The following SERAC1 variants were observed in gnomAD, a reference collection of about 807,000 sequenced individuals.
The protein encoded by SERAC1 is protein SERAC1.
SERAC1 carries 36 observed loss-of-function variants against 85.7 expected under a neutral mutation model. That is an observed-to-expected ratio of 0.42 (90% CI 0.32 to 0.55). The LOEUF (loss-of-function observed/expected upper bound fraction) is 0.55. Among genes scored for constraint, SERAC1 ranks in the 20% least tolerant of loss-of-function variants. The pLI, the probability that SERAC1 is intolerant of heterozygous loss-of-function variation, is 0.11. For synonymous variants in SERAC1, 242 were observed against 265.3 expected, an observed-to-expected ratio of 0.91 and a Z score of 0.85; for missense variants, 629 against 796.2, an observed-to-expected ratio of 0.79 and a Z score of 2.53.
chr6:158,114,965 A>G lies in SERAC1; in HGVS notation c.1508T>C (p.Leu503Pro). 1 of 1,610,812 alleles carries G rather than the reference A, an allele frequency of 6.2e-7. No individual in the cohort carries two copies. Among genetic ancestry groups the G allele is most frequent in the Non-Finnish European group, 8.5e-7 (1 of 1,178,638 alleles). ...VWISHSMGGL[L>P]VKKMLLEAST... The stretch of plus-strand genomic sequence containing the variant: ...GGCTTCCAACAGCATCTTTTTGACA[A>G]GAAGACCTAGCCACAGACAAGGGAA... The change falls in exon 15 of 17, where the codon CTT becomes CCT. Residue 503 changes from leucine (L) to proline (P), a missense_variant. Physicochemically the swap from Leu to Pro is moderately conservative, Grantham distance 98. Transcript: ENST00000647468.
At chr6:158,165,535 T>C (rs1245846441) in intron 1 of SERAC1, among the ~76,000 whole-genome samples, 2 of 152,200 alleles carry the variant, frequency 1.3e-5, no homozygotes, top group South Asian at 2.1e-4. Flanking sequence ...CAACAGCTAT[T>C]GGAACATTTC....
intron 2 of SERAC1, among the ~76,000 whole-genome samples, chr6:158,157,301 C>T (rs531488778): frequency 6.6e-6 from 1 of 152,192 alleles, no homozygotes; most frequent in South Asian, 2.1e-4. Context: ...CCAGCCTTAA[C>T]CTATAATTTA....
At position 158,119,257 on chromosome 6, in the gene SERAC1, G is replaced by A; in HGVS notation, c.1167-87C>T. The stretch of plus-strand genomic sequence containing the variant: ...CTACACAGCATTCTCTGTGGATGGT[G>A]CTTTAGCAGGCTTATGTGACATAAA... On this transcript the variant is annotated intron_variant, in intron 11 of 16. Transcript: ENST00000647468. The surrounding 1 kb of genome is among the most constrained non-coding windows in gnomAD (Gnocchi z 4.5). 1.4e-6 allele frequency: 2 copies of A among 1,420,184 alleles called. No homozygotes were observed. The highest frequency in any genetic ancestry group is 1.9e-6 in the Non-Finnish European group (2 of 1,054,412). The allele number at this position is 1,420,184 out of a possible 1,614,324, so 88.0% of individuals were successfully genotyped here. A position where few individuals can be genotyped will look rare whatever the true frequency, so the allele number is the denominator to read the frequency against.
In SERAC1 at chr6:158,119,179, G is replaced by GGA; in HGVS notation, c.1167-11_1167-10dup. The stretch of plus-strand genomic sequence containing the variant: ...CTGCTTTAATGGGCTGACTAATAGG[G>GGA]GAGAGAGTTTTAAAAAGAAGCAGAA... On this transcript the variant is annotated splice_polypyrimidine_tract_variant and intron_variant, in intron 11 of 16. Transcript: ENST00000647468. This position sits in a 1 kb window ranked among gnomAD's most constrained non-coding sequence, Gnocchi z 4.5. 1 of 1,603,106 alleles carries GGA rather than the reference G, an allele frequency of 6.2e-7. No individual in the cohort carries two copies. Among genetic ancestry groups the GGA allele is most frequent in the Non-Finnish European group, 8.5e-7 (1 of 1,173,918 alleles).
chr6:158,162,136 C>T (rs558639401), intron 1 of SERAC1: 2 of 152,328 alleles, frequency 1.3e-5, no homozygotes, highest in South Asian at 2.1e-4. Flanking sequence ...GTCTCTGTGT[C>T]TGTCTTCTTA....
intron 9 of SERAC1, among the ~76,000 whole-genome samples, chr6:158,129,985 C>T (rs1371414556): frequency 1.3e-5 from 2 of 152,122 alleles, no homozygotes; most frequent in South Asian, 2.1e-4. Context: ...CGTGAGCCAC[C>T]GCGCCCAGCC....
chr6:158,118,799 T>TTTTAC (rs1157236825), intron 12 of SERAC1, among the ~76,000 whole-genome samples: 2 of 152,146 alleles, frequency 1.3e-5, no homozygotes, highest in Non-Finnish European at 2.9e-5. Context: ...TGCCCCTATT[T>TTTTAC]TTTACTTAAT....
At position 158,150,435 on chromosome 6, in the gene SERAC1, A is replaced by G. The variant is rs1361065231; in HGVS notation, c.265+18T>C. 6.5e-7 allele frequency: 1 copy of G among 1,536,826 alleles called. No individual in the cohort carries two copies. The highest frequency in any genetic ancestry group is 1.1e-5 in the South Asian group (1 of 87,100). On this transcript the variant is annotated intron_variant, in intron 4 of 16. Coordinates refer to ENST00000647468, the MANE Select transcript of SERAC1 (RefSeq NM_032861.4). ...TAGCTTCCATTTTTCACAGAGGATT[A>G]CTTTACAATAAACTTACCATGATTT...
chr6:158,133,378 ATTTTTT>A (rs767768720), intron 8 of SERAC1, among the ~76,000 whole-genome samples: 3 of 66,376 alleles, frequency 4.5e-5, no homozygotes, highest in Admixed American at 2.4e-4. Flanking sequence ...TCTGGTGTTA[ATTTTTT>A]TTTTTTTTTT....
At chr6:158,138,355 A>G (rs1158301066) in intron 8 of SERAC1, among the ~76,000 whole-genome samples, 1 of 147,870 alleles carries the variant, frequency 6.8e-6, no homozygotes, top group Non-Finnish European at 1.5e-5. Context: ...GAATTGCTTG[A>G]GCCCAGGAGG....
intron 8 of SERAC1, among the ~76,000 whole-genome samples, chr6:158,138,631 T>C (rs1371479128): frequency 6.6e-6 from 1 of 152,032 alleles, no homozygotes; most frequent in Non-Finnish European, 1.5e-5. Flanking sequence ...GGAGACACCA[T>C]GGCAGAACAC....
chr6:158,156,939 G>A (rs12215420), intron 2 of SERAC1, among the ~76,000 whole-genome samples: 1,179 of 73,784 alleles, frequency 0.016, 9 homozygotes, highest in Admixed American at 0.021. Flanking sequence ...TATTTATATA[G>A]ATATTAATAT....
intron 1 of SERAC1, among the ~76,000 whole-genome samples, chr6:158,160,301 AAAG>A (rs1785458775): frequency 6.6e-6 from 1 of 152,214 alleles, no homozygotes. Context: ...TAACAATGAA[AAAG>A]AAAAATCTGC....
At chr6:158,154,438 T>C (rs1440462444) in intron 3 of SERAC1, among the ~76,000 whole-genome samples, 2 of 152,192 alleles carry the variant, frequency 1.3e-5, no homozygotes, top group African/African-American at 2.4e-5. Context: ...TACATTACAA[T>C]GTCATGGAGA....
rs1784396429 is a variant in SERAC1, at chr6:158,120,587, T to C, written c.1016-12A>G. On this transcript the variant is annotated splice_polypyrimidine_tract_variant and intron_variant, in intron 10 of 16. Transcript: ENST00000647468. The surrounding 1 kb of genome is among the most constrained non-coding windows in gnomAD (Gnocchi z 4.4). ...GATGGAAACCCAGCCTGGTGAAAAG[T>C]ACACATATCCTAAATACTGATGTGA... 1 of 1,613,070 alleles carries C rather than the reference T, an allele frequency of 6.2e-7. No individual in the cohort carries two copies. The highest frequency in any genetic ancestry group is 8.5e-7 in the Non-Finnish European group (1 of 1,179,656).
At position 158,143,164 on chromosome 6, in the gene SERAC1, CTCT is replaced by C. The variant is rs755748755; in HGVS notation, c.627_629del (p.Glu210del). The C allele has an allele frequency of 2.2e-5, 35 of 1,613,560 alleles. No individual in the cohort carries two copies. The South Asian group carries it at 3.8e-4, about 18-fold the overall frequency. ...GTAAGGAAGCCAGCAACTGTCTGAG[CTCT>C]TCTTCAGTGGAAGAATCCTGAAATA... On this transcript the variant is annotated inframe_deletion, in exon 8 of 17. Transcript: ENST00000647468.
At chr6:158,123,299 C>A (rs1784462220) in intron 10 of SERAC1, among the ~76,000 whole-genome samples, 1 of 152,060 alleles carries the variant, frequency 6.6e-6, no homozygotes, top group East Asian at 1.9e-4. Flanking sequence ...ACCATGAGAC[C>A]AGAAAAAAGT....
intron 15 of SERAC1, chr6:158,114,474 T>G (rs1490570181): frequency 8.9e-7 from 1 of 1,119,342 alleles, no homozygotes; most frequent in African/African-American, 1.6e-5. Flanking sequence ...TCTCCACTCA[T>G]GGGGGAAAAA....
At chr6:158,133,846 T>C (rs1784735784) in intron 8 of SERAC1, among the ~76,000 whole-genome samples, 1 of 152,098 alleles carries the variant, frequency 6.6e-6, no homozygotes, top group African/African-American at 2.4e-5. Flanking sequence ...GGTGTAAACT[T>C]GGATGGAAAA....
Sources: allele counts gnomAD v4.1 joint callset (sites outside exome capture counted in the v4.1 genomes callset), GRCh38; gene constraint gnomAD v4.1.1; non-coding constraint Gnocchi (gnomAD v3.1); transcripts MANE v1.5; gene names NCBI Gene and HGNC (gene_info 2026-07-23, HGNC 2026-07-21).